The following FER1L6 variants were observed in gnomAD, a reference collection of about 807,000 sequenced individuals.
FER1L6 encodes fer-1-like protein 6.
Under a neutral mutation model 219.2 loss-of-function variants are expected in FER1L6, and 177 were observed. That is an observed-to-expected ratio of 0.81 (90% CI 0.71 to 0.91). The LOEUF is 0.91. Ranked by LOEUF, FER1L6 falls within the 40% of genes least tolerant of loss-of-function variation. FER1L6 has a pLI of 0.00. For missense variants in FER1L6, 2,153 were observed against 2,259.9 expected (o/e 0.95, Z 0.96); for synonymous variants, 768 against 824.3 (o/e 0.93, Z 1.17).
chr8:123,926,935 A>G (rs1363143516), intron 1 of FER1L6, among the ~76,000 whole-genome samples: 1 of 152,172 alleles, frequency 6.6e-6, no homozygotes, highest in African/African-American at 2.4e-5. Context: ...TTTGTAACAT[A>G]TTGGACTCCA....
intron 39 of FER1L6, among the ~76,000 whole-genome samples, chr8:124,117,644 C>G (rs926810087): frequency 1.3e-5 from 2 of 152,198 alleles, no homozygotes; most frequent in South Asian, 4.1e-4. Context: ...TAAAAGTCCA[C>G]TGCACTTCTT....
intron 22 of FER1L6, among the ~76,000 whole-genome samples, chr8:124,054,718 C>T (rs1382646030): frequency 6.6e-6 from 1 of 152,102 alleles, no homozygotes; most frequent in African/African-American, 2.4e-5. Context: ...TCACTATGCC[C>T]GGCATGCTCA....
chr8:123,914,726 G>A (rs774915434), intron 1 of FER1L6, among the ~76,000 whole-genome samples: 6 of 152,180 alleles, frequency 3.9e-5, no homozygotes. Context: ...GAAAGCTTAT[G>A]GGTGTGGCCA....
intron 27 of FER1L6, among the ~76,000 whole-genome samples, chr8:124,067,228 T>C (rs1331814027): frequency 1.3e-5 from 2 of 152,216 alleles, no homozygotes; most frequent in Admixed American, 6.5e-5. Flanking sequence ...AAGGCTATGG[T>C]TGCATCTAGG....
chr8:123,973,291 A>C (rs1007519351), intron 6 of FER1L6, 143 bp from the exon 7 acceptor site: 1 of 643,398 alleles, frequency 1.6e-6, no homozygotes, highest in African/African-American at 1.8e-5. Context: ...GAAGGTGTTG[A>C]GGGGCTTCTG....
At chr8:124,109,593 C>G (rs367579113) in intron 39 of FER1L6, among the ~76,000 whole-genome samples, 16 of 152,186 alleles carry the variant, frequency 1.1e-4, no homozygotes, top group African/African-American at 3.9e-4. Context: ...CTTCTTAACT[C>G]CTGTATCACT....
chr8:124,009,198 C>T (rs971320998), intron 13 of FER1L6, among the ~76,000 whole-genome samples: 1 of 152,200 alleles, frequency 6.6e-6, no homozygotes, highest in Non-Finnish European at 1.5e-5. Context: ...TTTTCCCTCT[C>T]TCATTTAAAA....
At chr8:123,908,764 C>A (rs768477376) in intron 1 of FER1L6, among the ~76,000 whole-genome samples, 1 of 152,036 alleles carries the variant, frequency 6.6e-6, no homozygotes, top group Non-Finnish European at 1.5e-5. Context: ...TTTAGGAGGA[C>A]AGAGAGGGAA....
intron 12 of FER1L6, among the ~76,000 whole-genome samples, chr8:123,992,804 T>C (rs1373909573): frequency 6.6e-6 from 1 of 152,208 alleles, no homozygotes; most frequent in Non-Finnish European, 1.5e-5. Context: ...CATTGGGTTG[T>C]CAATTTGTGA....
chr8:123,974,659 C>CA (rs994690186), intron 7 of FER1L6, among the ~76,000 whole-genome samples: 10,037 of 47,178 alleles, frequency 0.21, 1,577 homozygotes, highest in African/African-American at 0.31. Flanking sequence ...GACTCTGTCT[C>CA]AAAAAAAAAA....
intron 1 of FER1L6, among the ~76,000 whole-genome samples, chr8:123,918,691 G>T (rs577163130): frequency 6.6e-6 from 1 of 151,832 alleles, no homozygotes; most frequent in East Asian, 1.9e-4. Flanking sequence ...ATGCTGTTAG[G>T]TGGTGGTGGC....
intron 14 of FER1L6, among the ~76,000 whole-genome samples, chr8:124,011,643 C>T (rs917481566): frequency 1.3e-5 from 2 of 149,412 alleles, no homozygotes; most frequent in South Asian, 4.2e-4. Context: ...GCCACCATGC[C>T]TGACTTTTTT....
intron 1 of FER1L6, among the ~76,000 whole-genome samples, chr8:123,923,338 T>G (rs1283733840): frequency 6.6e-6 from 1 of 152,242 alleles, no homozygotes; most frequent in Non-Finnish European, 1.5e-5. Context: ...TGAGATACAA[T>G]GCACGGCCAT....
intron 33 of FER1L6, among the ~76,000 whole-genome samples, chr8:124,087,887 G>A (rs55970434): frequency 0.11 from 16,050 of 152,202 alleles, 999 homozygotes; most frequent in Non-Finnish European, 0.14. Context: ...GAATTCCCTG[G>A]ATTACAGGCA....
chr8:123,977,933 C>T (rs1361385705), intron 10 of FER1L6, among the ~76,000 whole-genome samples: 1 of 152,236 alleles, frequency 6.6e-6, no homozygotes, highest in Admixed American at 6.5e-5. Context: ...GTAATACTCA[C>T]TTGCCTGCTG....
chr8:124,040,343 C>A (rs1383348074), intron 20 of FER1L6: 1 of 301,176 alleles, frequency 3.3e-6, no homozygotes, highest in African/African-American at 2.1e-5. Flanking sequence ...ACAGATCAAC[C>A]TGCAGGAGGT....
intron 21 of FER1L6, among the ~76,000 whole-genome samples, chr8:124,049,043 CTT>C (rs11288786): frequency 6.8e-6 from 1 of 146,452 alleles, no homozygotes; most frequent in Non-Finnish European, 1.5e-5. Flanking sequence ...CCCCCACCAC[CTT>C]TTTTTTTTTC....
At position 124,067,788 on chromosome 8, in the gene FER1L6, G is replaced by A. The variant is rs764041270; in HGVS notation, c.3700G>A (p.Gly1234Arg). ...AQKAKERNPK[G>R]KKGNTEAKPD... ...AAAGGCAAAGGAGAGAAATCCCAAG[G>A]GAAAAAAAGGCAATACAGGTAAGCA... Residue 1234 changes from glycine to arginine, a missense_variant, in exon 28 of 41, where the codon GGA becomes AGA. By Grantham distance (125) the Gly-to-Arg change is moderately radical. Transcript: ENST00000522917. 1.2e-6 allele frequency: 2 copies of A among 1,612,266 alleles called. No individual in the cohort carries two copies. The highest frequency in any genetic ancestry group is 1.7e-6 in the Non-Finnish European group (2 of 1,178,542).
At chr8:124,105,297 G>A (rs1822721486) in intron 39 of FER1L6, among the ~76,000 whole-genome samples, 1 of 152,172 alleles carries the variant, frequency 6.6e-6, no homozygotes. Context: ...CATAACTGGC[G>A]TGTGATGCAT....
Sources: gnomAD v4.1 joint callset for allele counts (sites outside exome capture counted in the v4.1 genomes callset) on GRCh38, gnomAD v4.1.1 for gene constraint, MANE v1.5 for transcripts, NCBI Gene and HGNC (gene_info 2026-07-23, HGNC 2026-07-21) for gene names.